PLG: variants seen among roughly 807,000 people sequenced by gnomAD.
PLG encodes plasminogen.
A neutral mutation model predicts 104.4 loss-of-function variants in PLG; 41 were observed. The ratio of observed to expected loss-of-function variants is 0.39; its 90% CI spans 0.31 to 0.51. PLG has a LOEUF of 0.51. PLG is among the 20% of genes least tolerant of loss of function. PLG has a pLI of 0.76. For missense variants in PLG, 891 were observed against 1,003.6 expected, an observed-to-expected ratio of 0.89 and a Z score of 1.52; for synonymous variants, 337 against 357.1, an observed-to-expected ratio of 0.94 and a Z score of 0.63.
At position 160,738,550 on chromosome 6, in the gene PLG, C is replaced by T. The variant is rs1433977934; in HGVS notation, c.1815C>T (p.His605=). 2.5e-6 allele frequency: 4 copies of T among 1,608,142 alleles called. No homozygotes were observed. The highest frequency in any genetic ancestry group is 1.1e-5 in the South Asian group (1 of 90,990). The change falls in exon 15 of 19, where the codon CAC becomes CAT. Residue 605 remains histidine, a synonymous_variant. Transcript: ENST00000308192. The surrounding 1 kb of genome is among the most constrained non-coding windows in gnomAD (Gnocchi z 6.8). ...QVSLRTRFGM[H]FCGGTLISPE... ...ATCCTCTTTCCAGGTTTGGAATGCA[C>T]TTCTGTGGAGGCACCTTGATATCCC...
At chr6:160,716,539 C>A (rs544452684) in intron 6 of PLG, 106 bp from the exon 7 acceptor site, 1 of 778,296 alleles carries the variant, frequency 1.3e-6, no homozygotes, top group South Asian at 1.4e-5. Context: ...CCTCCATGCC[C>A]GACTGTGCCT....
At chr6:160,730,921 T>G in intron 10 of PLG, 130 bp from the exon 11 acceptor site, 1 of 863,506 alleles carries the variant, frequency 1.2e-6, no homozygotes, top group South Asian at 1.5e-5. Context: ...TGTTACAACA[T>G]TATTGTACCT....
chr6:160,713,306 C>T (rs1340146213), intron 5 of PLG, 181 bp downstream of exon 5: 24 of 598,204 alleles, frequency 4.0e-5, no homozygotes, highest in Admixed American at 1.9e-4. Context: ...GTTTTGCTCT[C>T]GTTGCCCAGG....
rs1778019220 is a variant in PLG at position 160,732,726 on chromosome 6, T to C, written c.1587+833T>C. 6.6e-6 allele frequency among the ~76,000 whole-genome samples: 1 copy of C among 152,254 alleles called. No homozygotes were observed. Among genetic ancestry groups the C allele is most frequent in the Admixed American group, 6.5e-5 (1 of 15,286 alleles). ...TTTACCCATTTGTTATAAAAGATAT[T>C]ACAAAGGATCCTGGTGAACAGCCAG... On this transcript the variant is annotated intron_variant, in intron 12 of 18. Coordinates refer to ENST00000308192, the MANE Select transcript of PLG (RefSeq NM_000301.5). The surrounding 1 kb of genome is among the most constrained non-coding windows in gnomAD (Gnocchi z 4.5).
In PLG at chr6:160,718,805, T is replaced by C. The variant is rs767801113; in HGVS notation, c.1063T>C (p.Ser355Pro). 5 of 1,613,756 alleles carry C rather than the reference T, an allele frequency of 3.1e-6. No individual in the cohort carries two copies. In the Admixed American group the frequency reaches 8.3e-5, roughly 27 times the overall value. Residue 355 changes from serine (S) to proline (P), a missense_variant, in exon 9 of 19, where the codon TCC becomes CCC. Transcript: ENST00000308192. ...CTGTAAGATACCGTCCTGTGACTCC[T>C]CCCCAGTATCCACGGAACAATTGGC... The part of the protein sequence containing the change: ...EYCKIPSCDS[S>P]PVSTEQLAPT...
At chr6:160,733,850 A>AAAAG in intron 12 of PLG, 145 bp from the exon 13 acceptor site, 1 of 148,854 alleles carries the variant, frequency 6.7e-6, no homozygotes, top group South Asian at 6.3e-5. Context: ...ACCTCAGAAA[A>AAAAG]AAAAAAAAAA....
At chr6:160,722,917 C>T (rs1274925477) in intron 10 of PLG, among the ~76,000 whole-genome samples, 1 of 152,058 alleles carries the variant, frequency 6.6e-6, no homozygotes, top group Non-Finnish European at 1.5e-5. Flanking sequence ...AGAAATCTAT[C>T]ATTTTAACCT....
At chr6:160,730,196 C>A (rs759088031) in intron 10 of PLG, among the ~76,000 whole-genome samples, 1 of 152,226 alleles carries the variant, frequency 6.6e-6, no homozygotes, top group Non-Finnish European at 1.5e-5. Context: ...ACTATTACTC[C>A]GTTGTTTTCG....
chr6:160,718,454 C>A lies in PLG; in HGVS notation c.948C>A (p.Cys316Ter), dbSNP rs758084577. Reference protein sequence around the residue: ...THNRTPENFPCKNLDENYCRN... With the variant: ...THNRTPENFP ...ACAGGACACCAGAAAACTTCCCCTG[C>A]AAGTAAGTCCCCTCCGGTCTCATTC... The change falls in exon 8 of 19, where the codon TGC becomes TGA. Residue 316 changes from cysteine to a stop codon, truncating the protein, a stop_gained and splice_region_variant. Transcript: ENST00000308192. LOFTEE classifies it high-confidence loss of function. 2 of 1,609,874 alleles carry A rather than the reference C, an allele frequency of 1.2e-6. No individual in the cohort carries two copies. The highest frequency in any genetic ancestry group is 8.5e-7 in the Non-Finnish European group (1 of 1,176,220).
At chr6:160,715,095 A>T (rs1777708130) in intron 6 of PLG, among the ~76,000 whole-genome samples, 181 bp downstream of exon 6, 2 of 152,210 alleles carry the variant, frequency 1.3e-5, no homozygotes, top group Non-Finnish European at 2.9e-5. Flanking sequence ...TGCTCAAAAT[A>T]TGGTCCACGG....
chr6:160,748,565 T>A (rs1347200385), intron 17 of PLG, among the ~76,000 whole-genome samples: 1 of 151,684 alleles, frequency 6.6e-6, no homozygotes, highest in African/African-American at 2.4e-5. Context: ...AATAAGAAAG[T>A]GCACCAAGCA....
At position 160,748,396 on chromosome 6, in the gene PLG, GAAAGGAAGAAAGAAAGAAAGGGAAA is replaced by G. The variant is rs1562383435; in HGVS notation, c.2126-3718_2126-3694del. ...AGAAAGAAAGAAAGAAAGAAAGAAAGAAAGGAAGAAAGAAAGAAAGGGAAAGAAAGAGAACGAAAGAAAGAAGGGA... is the reference window on the plus strand; with the variant it reads ...AGAAAGAAAGAAAGAAAGAAAGAAAGGAAAGAGAACGAAAGAAAGAAGGGA... On this transcript the variant is annotated intron_variant, in intron 17 of 18. Coordinates refer to ENST00000308192, the MANE Select transcript of PLG (RefSeq NM_000301.5). 3.0e-4 allele frequency among the ~76,000 whole-genome samples: 12 copies of G among 40,444 alleles called. 1 individual carries two copies. Among genetic ancestry groups the G allele is most frequent in the African/African-American group, 9.4e-4 (12 of 12,768 alleles). The allele number at this position is 40,444 out of a possible 152,430, so 26.5% of individuals were successfully genotyped here. A position where few individuals can be genotyped will look rare whatever the true frequency, so the allele number is the denominator to read the frequency against.
At chr6:160,717,940 C>T (rs1777767112) in intron 7 of PLG, among the ~76,000 whole-genome samples, 1 of 152,166 alleles carries the variant, frequency 6.6e-6, no homozygotes, top group South Asian at 2.1e-4. Context: ...TCCATCTGTG[C>T]ATTCTCTATT....
chr6:160,710,051 T>A (rs1436534559), intron 3 of PLG, among the ~76,000 whole-genome samples: 1 of 152,230 alleles, frequency 6.6e-6, no homozygotes, highest in Non-Finnish European at 1.5e-5. Flanking sequence ...CAGTGCAACA[T>A]CTACAATAAT....
At chr6:160,718,123 GCA>G (rs1777772094) in intron 7 of PLG, among the ~76,000 whole-genome samples, 169 bp from the exon 8 acceptor site, 1 of 152,158 alleles carries the variant, frequency 6.6e-6, no homozygotes, top group African/African-American at 2.4e-5. Flanking sequence ...GTGGTGACAC[GCA>G]CCTGTAGTCT....
rs868287232 is a variant in PLG, at chr6:160,714,880, C to G, written c.634C>G (p.Gln212Glu). 6.2e-7 allele frequency: 1 copy of G among 1,613,838 alleles called. No individual in the cohort carries two copies. The highest frequency in any genetic ancestry group is 8.5e-7 in the Non-Finnish European group (1 of 1,179,770). The change falls in exon 6 of 19, where the codon CAG becomes GAG. Residue 212 changes from glutamine (Q) to glutamate (E), a missense_variant. By Grantham distance (29) the Gln-to-Glu change is conservative (BLOSUM62 2). Coordinates refer to ENST00000308192, the MANE Select transcript of PLG (RefSeq NM_000301.5). ...SGLECQAWDS[Q>E]SPHAHGYIPS... Reference sequence around the variant, plus strand: ...ACTGGAATGCCAGGCCTGGGACTCTCAGAGCCCACACGCTCATGGATACAT... The same window carrying G: ...ACTGGAATGCCAGGCCTGGGACTCTGAGAGCCCACACGCTCATGGATACAT...
At chr6:160,733,411 C>T (rs1253351971) in intron 12 of PLG, among the ~76,000 whole-genome samples, 2 of 152,172 alleles carry the variant, frequency 1.3e-5, no homozygotes, top group Admixed American at 1.3e-4. Flanking sequence ...GAGACCCATT[C>T]TCCAAAGACC....
Position 160,724,008 on chromosome 6 carries a change from C to G in PLG, c.1256+1441C>G, listed in dbSNP as rs1362474090. On this transcript the variant is annotated intron_variant, in intron 10 of 18. Transcript: ENST00000308192. This position sits in a 1 kb window ranked among gnomAD's most constrained non-coding sequence, Gnocchi z 5.0. ...ATTAACTGATTGCCAGAAGAAAATT[C>G]AACCCTTTAGAGGCAAACAACAAAA... Among the ~76,000 whole-genome samples the G allele has an allele frequency of 6.6e-6, 1 of 152,262 alleles. No individual in the cohort carries two copies. Among genetic ancestry groups the G allele is most frequent in the East Asian group, 1.9e-4 (1 of 5,176 alleles).
In PLG at chr6:160,726,068, A is replaced by C. The variant is rs919099999; in HGVS notation, c.1256+3501A>C. On this transcript the variant is annotated intron_variant, in intron 10 of 18. Coordinates refer to ENST00000308192, the MANE Select transcript of PLG (RefSeq NM_000301.5). The surrounding 1 kb of genome is among the most constrained non-coding windows in gnomAD (Gnocchi z 4.4). Reference sequence around the variant, plus strand: ...AAACAAAATATAATAGAAAAAATACACAAAAAAATCAGAAAGAATATATAT... The same window carrying C: ...AAACAAAATATAATAGAAAAAATACCCAAAAAAATCAGAAAGAATATATAT... Among the ~76,000 whole-genome samples, 2 of 152,158 alleles carry C rather than the reference A, an allele frequency of 1.3e-5. No homozygotes were observed. The highest frequency in any genetic ancestry group is 2.9e-5 in the Non-Finnish European group (2 of 67,972).
Sources: gnomAD v4.1 joint callset for allele counts (sites outside exome capture counted in the v4.1 genomes callset) on GRCh38, gnomAD v4.1.1 for gene constraint, Gnocchi (gnomAD v3.1) non-coding constraint, MANE v1.5 for transcripts, NCBI Gene and HGNC (gene_info 2026-07-23, HGNC 2026-07-21) for gene names.